FRK: variants seen among roughly 807,000 people sequenced by gnomAD.
FRK encodes the protein tyrosine-protein kinase FRK.
FRK carries 51 observed loss-of-function variants against 56.4 expected under a neutral mutation model. The observed-to-expected ratio is 0.90, with a 90% confidence interval of 0.72 to 1.14. FRK has a LOEUF of 1.14. Ranked by LOEUF, FRK falls within the 50% of genes most tolerant of loss-of-function variation. The pLI is 0.00. For synonymous variants in FRK, 245 were observed against 217.9 expected (o/e 1.12, Z -1.10); for missense variants, 570 against 601.4 (o/e 0.95, Z 0.55).
At chr6:116,076,685 C>T in the FRK span, among the ~76,000 whole-genome samples, 657 of 152,282 alleles carry the variant, frequency 4.3e-3, 4 homozygotes, top group South Asian at 1.0e-2. Context: ...TCACACATTT[C>T]CAACCAATTC....
chr6:116,095,764 C>A, the FRK span, among the ~76,000 whole-genome samples: 1 of 152,212 alleles, frequency 6.6e-6, no homozygotes, highest in Non-Finnish European at 1.5e-5. Flanking sequence ...CAAATAGACT[C>A]TTTGGCAGCA....
At chr6:116,082,367 G>A in the FRK span, among the ~76,000 whole-genome samples, 2 of 152,136 alleles carry the variant, frequency 1.3e-5, no homozygotes, top group Non-Finnish European at 2.9e-5. Context: ...CTCTGCCTTG[G>A]GCTAAGGACA....
intron 1 of FRK, among the ~76,000 whole-genome samples, chr6:116,049,711 A>G (rs1582758211): frequency 6.6e-6 from 1 of 152,220 alleles, no homozygotes; most frequent in Admixed American, 6.5e-5. Flanking sequence ...CATCTGTCTC[A>G]TAGGATAATA....
At chr6:116,033,810 T>C (rs950471593) in intron 1 of FRK, among the ~76,000 whole-genome samples, 4 of 152,114 alleles carry the variant, frequency 2.6e-5, no homozygotes, top group African/African-American at 9.7e-5. Context: ...GGGTTGAGCA[T>C]AGACTGTATT....
chr6:115,968,379 G>T (rs1248973769), intron 3 of FRK, among the ~76,000 whole-genome samples, 197 bp downstream of exon 3: 3 of 152,104 alleles, frequency 2.0e-5, no homozygotes, highest in African/African-American at 7.2e-5. Context: ...ATATGAATGA[G>T]CATCTGTGCA....
chr6:116,086,413 A>G, the FRK span, among the ~76,000 whole-genome samples: 1 of 152,230 alleles, frequency 6.6e-6, no homozygotes, highest in African/African-American at 2.4e-5. Flanking sequence ...CTATTTAAAA[A>G]GTAAGTGCTG....
intron 2 of FRK, among the ~76,000 whole-genome samples, chr6:116,003,606 T>G (rs1379452552): frequency 6.6e-6 from 1 of 152,196 alleles, no homozygotes; most frequent in African/African-American, 2.4e-5. Context: ...TCCTAGATAA[T>G]GCAAAAGTTA....
intron 2 of FRK, among the ~76,000 whole-genome samples, chr6:115,981,800 G>A (rs1490812206): frequency 6.6e-6 from 1 of 152,002 alleles, no homozygotes; most frequent in African/African-American, 2.4e-5. Context: ...GCAGATTACT[G>A]TATTTCATTT....
chr6:116,070,200 T>C, the FRK span, among the ~76,000 whole-genome samples: 647 of 149,158 alleles, frequency 4.3e-3, 7 homozygotes, highest in African/African-American at 0.015. Context: ...GAAGATAAAA[T>C]CAGAAATAAC....
intron 1 of FRK, among the ~76,000 whole-genome samples, chr6:116,017,428 T>C (rs144841548): frequency 6.6e-6 from 1 of 152,304 alleles, no homozygotes; most frequent in East Asian, 1.9e-4. Flanking sequence ...CTTTTCAATT[T>C]TTCTACATCG....
Position 115,935,493 on chromosome 6 carries a change from G to C in FRK, c.*6921C>G, listed in dbSNP as rs1416563346. ...CCAGTGGTGCCTGGAATGCCAGCAA[G>C]GCAGAACCATTCACTCCCCTGGAAG... On this transcript the variant is annotated 3_prime_UTR_variant, in exon 8 of 8. Coordinates refer to ENST00000606080, the MANE Select transcript of FRK (RefSeq NM_002031.3). The C allele has an allele frequency of 6.5e-6, 1 of 152,876 alleles. No homozygotes were observed. Among genetic ancestry groups the C allele is most frequent in the Admixed American group, 6.5e-5 (1 of 15,300 alleles). The allele number at this position is 152,876 out of a possible 1,614,324, so 9.5% of individuals were successfully genotyped here.
intron 2 of FRK, among the ~76,000 whole-genome samples, chr6:116,000,223 C>CTTTTTTTTTTTTTTTTTTTTT (rs561273499): frequency 1.9e-5 from 1 of 53,118 alleles, no homozygotes; most frequent in African/African-American, 9.0e-5. Context: ...ATCATTCTTT[C>CTTTTTTTTTTTTTTTTTTTTT]TTTTTTTTTT....
At chr6:115,953,056 AAAACTT>A (rs1331049198) in intron 5 of FRK, among the ~76,000 whole-genome samples, 1 of 151,790 alleles carries the variant, frequency 6.6e-6, no homozygotes. Context: ...CATGTACCCT[AAAACTT>A]AAAGTATAAT....
At chr6:116,008,536 G>C (rs1460647318) in intron 1 of FRK, among the ~76,000 whole-genome samples, 1 of 152,188 alleles carries the variant, frequency 6.6e-6, no homozygotes, top group African/African-American at 2.4e-5. Context: ...AATTGCTGTG[G>C]ACTGCAGTCT....
chr6:116,072,701 T>C, the FRK span, among the ~76,000 whole-genome samples: 4 of 152,150 alleles, frequency 2.6e-5, no homozygotes, highest in Non-Finnish European at 4.4e-5. Context: ...ACTGACCTGA[T>C]AGGTACATAT....
intron 2 of FRK, among the ~76,000 whole-genome samples, chr6:115,980,752 T>A (rs1408493868): frequency 6.6e-6 from 1 of 152,116 alleles, no homozygotes; most frequent in Non-Finnish European, 1.5e-5. Flanking sequence ...CATAAAGAAC[T>A]CATGAACTCA....
At chr6:116,064,709 A>C (rs762814577), upstream of FRK, among the ~76,000 whole-genome samples, 1 of 152,032 alleles carries the variant, frequency 6.6e-6, no homozygotes, top group Non-Finnish European at 1.5e-5. Flanking sequence ...TTTTCTTCTC[A>C]TCCTTATAGC....
chr6:116,001,828 CTTTTTGGAGAA>C lies in FRK; in HGVS notation c.466+2038_466+2048del, dbSNP rs550147433. 7.3e-5 allele frequency among the ~76,000 whole-genome samples: 11 copies of C among 150,136 alleles called. No individual in the cohort carries two copies. In the East Asian group the frequency reaches 1.9e-3, roughly 26 times the overall value. On this transcript the variant is annotated intron_variant, in intron 2 of 7. Coordinates refer to ENST00000606080, the MANE Select transcript of FRK (RefSeq NM_002031.3). ...GAATAAAGTCTCTTCTTTCGAATTC[CTTTTTGGAGAA>C]TTTTGTTTACAAAACATACACACAC...
At chr6:115,991,034 T>C (rs1937025807) in intron 2 of FRK, among the ~76,000 whole-genome samples, 1 of 151,848 alleles carries the variant, frequency 6.6e-6, no homozygotes, top group Non-Finnish European at 1.5e-5. Context: ...GTTGTGGCTA[T>C]TGCAAATAAG....
Sources: gnomAD v4.1 joint callset for allele counts (sites outside exome capture counted in the v4.1 genomes callset) on GRCh38, gnomAD v4.1.1 for gene constraint, MANE v1.5 for transcripts, NCBI Gene and HGNC (gene_info 2026-07-23, HGNC 2026-07-21) for gene names.